The following NIN variants were observed in gnomAD, a reference collection of about 807,000 sequenced individuals.
NIN encodes the protein glycogen synthase kinase 3 beta-interacting protein.
NIN carries 137 observed loss-of-function variants against 257.6 expected under a neutral mutation model. The observed-to-expected ratio is 0.53, with a 90% CI of 0.46 to 0.61. NIN has a LOEUF of 0.61. NIN is among the 20% of genes least tolerant of loss of function. The pLI, the probability that NIN is intolerant of heterozygous loss-of-function variation, is 0.00. For missense variants in NIN, 2,439 were observed against 2,501.2 expected, an observed-to-expected ratio of 0.98 and a Z score of 0.53; for synonymous variants, 918 against 919.8, an observed-to-expected ratio of 1.00 and a Z score of 0.04.
intron 27 of NIN, among the ~76,000 whole-genome samples, chr14:50,737,450 G>A (rs1595723859): frequency 8.2e-6 from 1 of 121,296 alleles, no homozygotes; most frequent in African/African-American, 3.2e-5. Flanking sequence ...CTGAAATCCT[G>A]ACTTGCAGAT....
At chr14:50,730,493 A>C (rs1160250301) in intron 28 of NIN, among the ~76,000 whole-genome samples, 2 of 152,086 alleles carry the variant, frequency 1.3e-5, no homozygotes, top group East Asian at 1.9e-4. Flanking sequence ...AAACTCAAGA[A>C]GCGGCACCTC....
Position 50,750,582 on chromosome 14 carries a change from C to A in NIN, c.4950+1936G>T, listed in dbSNP as rs74345518. Reference sequence around the variant, plus strand: ...AGCATGTAGATACAGTTCATCTTGTCTTTAGCCTGGATAGTATCCAGTCAA... The same window carrying A: ...AGCATGTAGATACAGTTCATCTTGTATTTAGCCTGGATAGTATCCAGTCAA... On this transcript the variant is annotated intron_variant, in intron 21 of 30. Transcript: ENST00000530997. Among the ~76,000 whole-genome samples the A allele has an allele frequency of 1.3e-4, 5 of 39,300 alleles. No individual in the cohort carries two copies. In the South Asian group the frequency reaches 2.2e-3, roughly 17 times the overall value. 25.8% of individuals were successfully genotyped at this position (39,300 alleles called of 152,430 possible).
chr14:50,747,266 G>A (rs1343915977), intron 22 of NIN, among the ~76,000 whole-genome samples: 2 of 152,190 alleles, frequency 1.3e-5, no homozygotes, highest in African/African-American at 4.8e-5. Flanking sequence ...ACAGAAAAAG[G>A]CAGAAGGATC....
chr14:50,746,028 C>A (rs2041519293), intron 22 of NIN, among the ~76,000 whole-genome samples: 1 of 137,300 alleles, frequency 7.3e-6, no homozygotes, highest in African/African-American at 2.7e-5. Context: ...TATACCAATG[C>A]TTGTTTAAAA....
At chr14:50,746,455 AG>A (rs1430343333) in intron 22 of NIN, among the ~76,000 whole-genome samples, 1 of 152,234 alleles carries the variant, frequency 6.6e-6, no homozygotes, top group African/African-American at 2.4e-5. Flanking sequence ...GCATTATGAA[AG>A]ACACACATAC....
At chr14:50,769,980 G>C (rs1428566725) in intron 12 of NIN, among the ~76,000 whole-genome samples, 1 of 151,954 alleles carries the variant, frequency 6.6e-6, no homozygotes, top group Non-Finnish European at 1.5e-5. Context: ...TTGGAGGCCG[G>C]GAGAAACAGG....
intron 5 of NIN, among the ~76,000 whole-genome samples, chr14:50,780,479 A>T (rs903257425): frequency 6.6e-5 from 10 of 152,312 alleles, no homozygotes; most frequent in African/African-American, 2.4e-4. Flanking sequence ...AAATTTTTAG[A>T]TGAAATGTTG....
intron 24 of NIN, 44 bp from the exon 25 acceptor site, chr14:50,741,772 G>A: frequency 6.3e-7 from 1 of 1,599,306 alleles, no homozygotes; most frequent in Non-Finnish European, 8.5e-7. Context: ...AAACTCTTGT[G>A]GTCTCACCTC....
chr14:50,758,476 G>T lies in NIN; in HGVS notation c.2554C>A (p.Arg852Ser), dbSNP rs376367833. The T allele has an allele frequency of 6.2e-7, 1 of 1,614,152 alleles. No homozygotes were observed. The highest frequency in any genetic ancestry group is 8.5e-7 in the Non-Finnish European group (1 of 1,180,030). Residue 852 changes from arginine to serine, a missense_variant, in exon 18 of 31, where the codon CGT becomes AGT. Transcript: ENST00000530997. ...AATTCCCACTGGGATTTCTCCTCAC[G>T]CTGCTGTTCCTGGAGGTCCTTCAGC... ...QELKDLQEQQ[R>S]EEKSQWEFEK... is the part of the protein sequence containing the mutation.
Position 50,719,934 on chromosome 14 carries a change from TGAACAG to T in NIN, c.*3523_*3528del. 4.7e-6 allele frequency: 1 copy of T among 212,984 alleles called. No homozygotes were observed. Among genetic ancestry groups the T allele is most frequent in the East Asian group, 7.1e-5 (1 of 14,054 alleles). 13.2% of individuals were successfully genotyped at this position (212,984 alleles called of 1,614,324 possible). On this transcript the variant is annotated 3_prime_UTR_variant, in exon 31 of 31. Transcript: ENST00000530997. ...AACACAGAACTCATTAATCTTTATC[TGAACAG>T]AAACATAGAGATGGCTTTAGATAAT...
At chr14:50,807,814 CAAAA>C (rs983035022) in intron 3 of NIN, among the ~76,000 whole-genome samples, 1 of 152,074 alleles carries the variant, frequency 6.6e-6, no homozygotes, top group Admixed American at 6.5e-5. Context: ...CAAATCAAAA[CAAAA>C]GAGAGGAATT....
At chr14:50,812,002 C>A (rs926337115) in intron 3 of NIN, among the ~76,000 whole-genome samples, 1 of 152,010 alleles carries the variant, frequency 6.6e-6, no homozygotes, top group Non-Finnish European at 1.5e-5. Context: ...TGCCTGTAGT[C>A]CCAGCTACTC....
At chr14:50,783,868 C>T (rs1420625604) in intron 5 of NIN, among the ~76,000 whole-genome samples, 3 of 152,114 alleles carry the variant, frequency 2.0e-5, no homozygotes, top group Non-Finnish European at 2.9e-5. Flanking sequence ...TTACCCAGCA[C>T]AGTGGAAGCC....
At chr14:50,739,197 A>G in intron 26 of NIN, 111 bp downstream of exon 26, 1 of 880,384 alleles carries the variant, frequency 1.1e-6, no homozygotes, top group Non-Finnish European at 1.8e-6. Flanking sequence ...CTGCTATAGC[A>G]GGATACTCAA....
chr14:50,792,358 G>T, intron 5 of NIN: 1 of 195,310 alleles, frequency 5.1e-6, no homozygotes, highest in Non-Finnish European at 1.1e-5. Context: ...AAGGGAGGGG[G>T]AGGAGCTGGT....
Position 50,806,828 on chromosome 14 carries a change from A to T in NIN, c.184-10T>A, listed in dbSNP as rs756136836. On this transcript the variant is annotated splice_polypyrimidine_tract_variant and intron_variant, in intron 3 of 30. Coordinates refer to ENST00000530997, the MANE Select transcript of NIN (RefSeq NM_020921.4). ...ATTGGTCAAAATGTACCTAAAAAAAATTAAAAATAGATTTAAAGTAATTTC... is the reference window on the plus strand; with the variant it reads ...ATTGGTCAAAATGTACCTAAAAAAATTTAAAAATAGATTTAAAGTAATTTC... 2.2e-6 allele frequency: 3 copies of T among 1,339,044 alleles called. No individual in the cohort carries two copies. The highest frequency in any genetic ancestry group is 1.9e-4 in the Middle Eastern group (1 of 5,346). 82.9% of individuals were successfully genotyped at this position (1,339,044 alleles called of 1,614,324 possible). A position where few individuals can be genotyped will look rare whatever the true frequency, so the allele number is the denominator to read the frequency against.
intron 4 of NIN, among the ~76,000 whole-genome samples, chr14:50,803,836 T>G (rs768323631): frequency 2.0e-5 from 3 of 152,066 alleles, no homozygotes; most frequent in Non-Finnish European, 2.9e-5. Flanking sequence ...CTACTTCCTC[T>G]GTCTCTGCCC....
intron 3 of NIN, among the ~76,000 whole-genome samples, chr14:50,816,873 G>A (rs1468746083): frequency 6.6e-6 from 1 of 152,010 alleles, no homozygotes; most frequent in Admixed American, 6.6e-5. Flanking sequence ...CTCCCCTCTC[G>A]ATCCCTGTCA....
At chr14:50,732,008 A>C (rs2040733094) in intron 28 of NIN, among the ~76,000 whole-genome samples, 1 of 152,144 alleles carries the variant, frequency 6.6e-6, no homozygotes, top group Non-Finnish European at 1.5e-5. Flanking sequence ...ATAGTCTGTA[A>C]CCCTTTTGTT....
Sources: gnomAD v4.1 joint callset for allele counts (sites outside exome capture counted in the v4.1 genomes callset) on GRCh38, gnomAD v4.1.1 for gene constraint, MANE v1.5 for transcripts, NCBI Gene and HGNC (gene_info 2026-07-23, HGNC 2026-07-21) for gene names.